Variants in ANKFN1 observed in about 807,000 individuals in gnomAD.
ANKFN1 encodes ankyrin repeat and fibronectin type III domain containing 1.
Under a neutral mutation model 108.7 loss-of-function variants are expected in ANKFN1, and 74 were observed. The ratio of observed to expected loss-of-function variants is 0.68; its 90% CI spans 0.56 to 0.83. The LOEUF is 0.83. Among genes scored for constraint, ANKFN1 ranks in the 40% least tolerant of loss-of-function variants. The probability of loss-of-function intolerance (pLI) is 0.00; values close to 1 mark genes in which losing one functional copy is unlikely to be tolerated. For missense variants in ANKFN1, 1,505 were observed against 1,382.3 expected, an observed-to-expected ratio of 1.09 and a Z score of -1.41; for synonymous variants, 547 against 516.2, an observed-to-expected ratio of 1.06 and a Z score of -0.81.
chr17:56,302,683 C>G (rs72833839), intron 3 of ANKFN1, among the ~76,000 whole-genome samples: 1 of 152,078 alleles, frequency 6.6e-6, no homozygotes, highest in Non-Finnish European at 1.5e-5. Flanking sequence ...ATCCTACCCC[C>G]ACAAGATAAC....
chr17:56,341,107 C>T (rs915246896), intron 4 of ANKFN1, among the ~76,000 whole-genome samples: 2 of 151,938 alleles, frequency 1.3e-5, no homozygotes, highest in African/African-American at 4.8e-5. Context: ...GTTGGCTTGA[C>T]TGTTGTTGGT....
chr17:56,292,471 A>G (rs982938965), intron 3 of ANKFN1, among the ~76,000 whole-genome samples: 2 of 152,082 alleles, frequency 1.3e-5, no homozygotes, highest in Non-Finnish European at 2.9e-5. Context: ...TCAAGAAGAA[A>G]TCTCTTGGAA....
At chr17:56,341,227 T>C (rs1026653936) in intron 4 of ANKFN1, among the ~76,000 whole-genome samples, 6 of 152,140 alleles carry the variant, frequency 3.9e-5, no homozygotes, top group Admixed American at 2.0e-4. Context: ...ATTTTCTAGA[T>C]ATAAGATCAT....
At chr17:56,304,724 C>T (rs992585284) in intron 3 of ANKFN1, among the ~76,000 whole-genome samples, 29 of 151,960 alleles carry the variant, frequency 1.9e-4, no homozygotes, top group Admixed American at 1.3e-4. Context: ...TTTGCATTCC[C>T]CTAATGGCTA....
chr17:56,480,802 A>G lies in ANKFN1; in HGVS notation c.2075A>G (p.Asn692Ser), dbSNP rs2050667129. ...GTGAAAGCTCTCCTTCAGCAGATCA[A>G]TATACCTCTACACCAGGTACTAGAC... ...MAVKALLQQINIPLHQARNFR... is the reference protein window; with the variant it reads ...MAVKALLQQISIPLHQARNFR... Residue 692 changes from asparagine (N) to serine (S), a missense_variant, in exon 17 of 21, where the codon AAT becomes AGT. By Grantham distance (46) the Asn-to-Ser change is conservative. Coordinates refer to ENST00000682825, the MANE Select transcript of ANKFN1 (RefSeq NM_001370326.1). The G allele has an allele frequency of 6.2e-7, 1 of 1,613,910 alleles. No individual in the cohort carries two copies. Among genetic ancestry groups the G allele is most frequent in the East Asian group, 2.2e-5 (1 of 44,874 alleles).
At chr17:56,214,466 G>A (rs1716000781) in intron 2 of ANKFN1, among the ~76,000 whole-genome samples, 1 of 152,168 alleles carries the variant, frequency 6.6e-6, no homozygotes. Flanking sequence ...ACATCTCTGA[G>A]ATTACATCTT....
At chr17:56,138,631 T>A (rs1907735336) in intron 4 of ANKFN1, among the ~76,000 whole-genome samples, 1 of 151,458 alleles carries the variant, frequency 6.6e-6, no homozygotes, top group East Asian at 2.0e-4. Context: ...TGTCTCACCC[T>A]CCCCAATAGC....
chr17:56,152,212 G>A (rs1398630790), upstream of ANKFN1, among the ~76,000 whole-genome samples: 4 of 151,200 alleles, frequency 2.6e-5, no homozygotes, highest in African/African-American at 7.3e-5. Flanking sequence ...CTTGGAAGAT[G>A]AGTAATATAA....
chr17:56,448,883 A>G (rs933438871), intron 10 of ANKFN1, among the ~76,000 whole-genome samples, 196 bp from the exon 11 acceptor site: 10 of 152,100 alleles, frequency 6.6e-5, no homozygotes, highest in Non-Finnish European at 1.3e-4. Flanking sequence ...AACCAACCAC[A>G]ATTACTGTTT....
chr17:56,102,525 C>T (rs1257023633), intron 4 of ANKFN1, among the ~76,000 whole-genome samples: 1 of 152,132 alleles, frequency 6.6e-6, no homozygotes, highest in Non-Finnish European at 1.5e-5. Flanking sequence ...GAATAGGGAA[C>T]ATCTCATTCC....
intron 14 of ANKFN1, among the ~76,000 whole-genome samples, chr17:56,464,102 G>T (rs886530438): frequency 1.3e-5 from 2 of 152,236 alleles, no homozygotes; most frequent in South Asian, 2.1e-4. Context: ...ATGGAAGATG[G>T]TTCCAATTTA....
chr17:56,447,837 G>A (rs1026761409), intron 10 of ANKFN1, among the ~76,000 whole-genome samples: 21 of 152,198 alleles, frequency 1.4e-4, no homozygotes, highest in African/African-American at 5.1e-4. Flanking sequence ...TAGAGGCCCT[G>A]TTGGTATAAG....
At chr17:56,074,063 G>C (rs1210779554) in intron 4 of ANKFN1, among the ~76,000 whole-genome samples, 1 of 152,140 alleles carries the variant, frequency 6.6e-6, no homozygotes, top group Non-Finnish European at 1.5e-5. Flanking sequence ...CCTTTTTGAG[G>C]AACTGTCAAA....
intron 3 of ANKFN1, among the ~76,000 whole-genome samples, chr17:56,266,277 T>C (rs1334388061): frequency 1.3e-5 from 2 of 152,218 alleles, no homozygotes; most frequent in East Asian, 3.8e-4. Context: ...TTACCTACCT[T>C]TGAATCTAAT....
intron 4 of ANKFN1, among the ~76,000 whole-genome samples, chr17:56,146,913 T>G (rs1198860766): frequency 6.6e-6 from 1 of 152,200 alleles, no homozygotes; most frequent in Non-Finnish European, 1.5e-5. Context: ...TGTGGCATCA[T>G]CAGGCTGCAA....
intron 8 of ANKFN1, among the ~76,000 whole-genome samples, chr17:56,438,441 C>G (rs1200282667): frequency 6.6e-6 from 1 of 152,100 alleles, no homozygotes; most frequent in Non-Finnish European, 1.5e-5. Flanking sequence ...ATAAGAAGGT[C>G]CTTGAATGCC....
At chr17:56,161,823 A>T (rs1598160345) in intron 1 of ANKFN1, among the ~76,000 whole-genome samples, 2 of 152,244 alleles carry the variant, frequency 1.3e-5, no homozygotes, top group East Asian at 3.8e-4. Flanking sequence ...AGCTATAGAA[A>T]ATGTGTCTTC....
chr17:56,293,911 G>A (rs1390844566), intron 3 of ANKFN1, among the ~76,000 whole-genome samples: 2 of 152,122 alleles, frequency 1.3e-5, no homozygotes, highest in Non-Finnish European at 2.9e-5. Context: ...CTGGAATGCA[G>A]GCCCCCACAA....
chr17:56,482,268 G>T, intron 17 of ANKFN1, 88 bp from the exon 18 acceptor site: 3 of 1,198,052 alleles, frequency 2.5e-6, no homozygotes, highest in South Asian at 2.0e-5. Flanking sequence ...GTGTAATTTT[G>T]TGAGATGTTT....
Sources: allele counts gnomAD v4.1 joint callset (sites outside exome capture counted in the v4.1 genomes callset), GRCh38; gene constraint gnomAD v4.1.1; transcripts MANE v1.5; gene names NCBI Gene and HGNC (gene_info 2026-07-23, HGNC 2026-07-21).